Variants in COG7 observed in about 807,000 individuals in gnomAD.
The protein encoded by COG7 is conserved oligomeric Golgi complex subunit 7.
A neutral mutation model predicts 91.5 loss-of-function variants in COG7; 49 were observed. That is an observed-to-expected ratio of 0.54 (90% CI 0.43 to 0.68). COG7 has a LOEUF of 0.68. Among genes scored for constraint, COG7 ranks in the 30% least tolerant of loss-of-function variants. The probability of loss-of-function intolerance (pLI) is 0.00; values close to 1 mark genes in which losing one functional copy is unlikely to be tolerated. For missense variants in COG7, 895 were observed against 961.3 expected (o/e 0.93, Z 0.91); for synonymous variants, 365 against 388.7 (o/e 0.94, Z 0.72).
chr16:23,409,099 G>GTGCGCGCGCGTGCA (rs1963520656), intron 11 of COG7, among the ~76,000 whole-genome samples: 1 of 139,414 alleles, frequency 7.2e-6, no homozygotes, highest in African/African-American at 2.5e-5. Flanking sequence ...GCGTGCATGT[G>GTGCGCGCGCGTGCA]TGTGTGTGTG....
At chr16:23,422,975 GC>G (rs1418526008) in intron 7 of COG7, among the ~76,000 whole-genome samples, 8 of 150,552 alleles carry the variant, frequency 5.3e-5, no homozygotes, top group African/African-American at 2.0e-4. Context: ...AACCTGGGAG[GC>G]AGAGGTTGCA....
chr16:23,388,503 C>T lies in COG7; in HGVS notation c.*417G>A, dbSNP rs1161068912. The T allele has an allele frequency of 5.7e-6, 1 of 174,812 alleles. No homozygotes were observed. Among genetic ancestry groups the T allele is most frequent in the African/African-American group, 2.4e-5 (1 of 41,542 alleles). 10.8% of individuals were successfully genotyped at this position (174,812 alleles called of 1,614,324 possible). ...AAGGAAACAGTCTTCTTGCATTTCA[C>T]AGTAGTTATTTATTCCATTTTCAAG... is the stretch of plus-strand genomic sequence containing the variant. On this transcript the variant is annotated 3_prime_UTR_variant, in exon 17 of 17. Coordinates refer to ENST00000307149, the MANE Select transcript of COG7 (RefSeq NM_153603.4).
At chr16:23,438,208 A>G (rs1169620420) in intron 4 of COG7, among the ~76,000 whole-genome samples, 3 of 152,202 alleles carry the variant, frequency 2.0e-5, no homozygotes, top group Non-Finnish European at 1.5e-5. Flanking sequence ...AATAATATCC[A>G]GAATATATGA....
At chr16:23,401,871 C>G (rs913882446) in intron 13 of COG7, among the ~76,000 whole-genome samples, 1 of 152,000 alleles carries the variant, frequency 6.6e-6, no homozygotes, top group Non-Finnish European at 1.5e-5. Context: ...GCCTGGGCAA[C>G]CTGACGAAAC....
intron 7 of COG7, among the ~76,000 whole-genome samples, chr16:23,419,980 A>G (rs1193855929): frequency 6.6e-6 from 1 of 151,904 alleles, no homozygotes; most frequent in African/African-American, 2.4e-5. Context: ...TCTACTAAAA[A>G]TACAAAAAAA....
At chr16:23,425,485 A>G (rs1454737537) in intron 6 of COG7, among the ~76,000 whole-genome samples, 7 of 152,080 alleles carry the variant, frequency 4.6e-5, no homozygotes, top group Admixed American at 2.0e-4. Flanking sequence ...GAACACTACC[A>G]CACCTGATTA....
At chr16:23,420,140 A>C (rs896887921) in intron 7 of COG7, among the ~76,000 whole-genome samples, 6 of 152,198 alleles carry the variant, frequency 3.9e-5, no homozygotes, top group Non-Finnish European at 8.8e-5. Flanking sequence ...CAAAAACAAA[A>C]AACAAAAGGA....
chr16:23,433,478 C>G (rs747856429), intron 6 of COG7, 67 bp downstream of exon 6: 75 of 1,604,974 alleles, frequency 4.7e-5, no homozygotes, highest in Non-Finnish European at 5.8e-5. Flanking sequence ...TGGCCACTCC[C>G]GAGGCAGTCA....
chr16:23,449,695 C>G (rs1406028551), intron 1 of COG7, among the ~76,000 whole-genome samples: 1 of 149,318 alleles, frequency 6.7e-6, no homozygotes, highest in Non-Finnish European at 1.5e-5. Flanking sequence ...GAGCCGCGAT[C>G]ACGCCATTGC....
intron 6 of COG7, among the ~76,000 whole-genome samples, chr16:23,428,415 T>G (rs550366554): frequency 1.3e-5 from 2 of 150,158 alleles, no homozygotes; most frequent in South Asian, 4.2e-4. Flanking sequence ...AAATAACCTG[T>G]TTTTTTTTAA....
rs1017528347 is a variant in COG7 at position 23,453,086 on chromosome 16, C to G, written c.-92G>C. On this transcript the variant is annotated 5_prime_UTR_variant, in exon 1 of 17. Transcript: ENST00000307149. The stretch of plus-strand genomic sequence containing the variant: ...GAAGCGAGCGAGCCTGCGAGAGCAC[C>G]GAGGCTAGCCTCCGAGGCGAACCCC... 5 of 1,579,838 alleles carry G rather than the reference C, an allele frequency of 3.2e-6. No individual in the cohort carries two copies. The highest frequency in any genetic ancestry group is 4.3e-6 in the Non-Finnish European group (5 of 1,161,370).
intron 13 of COG7, among the ~76,000 whole-genome samples, chr16:23,400,740 C>A (rs547853655): frequency 6.6e-6 from 1 of 152,112 alleles, no homozygotes; most frequent in Non-Finnish European, 1.5e-5. Flanking sequence ...GAGGCTGAGG[C>A]GGGCGGATCA....
chr16:23,451,141 T>C (rs1320142297), intron 1 of COG7, among the ~76,000 whole-genome samples: 3 of 151,920 alleles, frequency 2.0e-5, no homozygotes, highest in Non-Finnish European at 4.4e-5. Context: ...TGCAGTGAGC[T>C]GAGATGGCGC....
intron 7 of COG7, 63 bp from the exon 8 acceptor site, chr16:23,418,890 G>A: frequency 1.3e-6 from 2 of 1,522,734 alleles, no homozygotes; most frequent in South Asian, 2.3e-5. Context: ...CTGTGGGAAA[G>A]CAACAATCAA....
rs368832315 is a variant in COG7, at chr16:23,403,741, C to T, written c.1756G>A (p.Val586Met). Residue 586 changes from valine to methionine, a missense_variant, in exon 13 of 17, where the codon GTG becomes ATG. Transcript: ENST00000307149. Reference sequence around the variant, plus strand: ...AGCTGTTGTTTGATGCGCAGGAACACGGAATCGAAAGCCAGCTGGTGGGCC... The same window carrying T: ...AGCTGTTGTTTGATGCGCAGGAACATGGAATCGAAAGCCAGCTGGTGGGCC... ...QQAHQLAFDS[V>M]FLRIKQQLLL... 28 of 1,614,074 alleles carry T rather than the reference C, an allele frequency of 1.7e-5. No homozygotes were observed. The highest frequency in any genetic ancestry group is 1.9e-5 in the Non-Finnish European group (23 of 1,180,038).
intron 13 of COG7, among the ~76,000 whole-genome samples, chr16:23,402,643 G>A (rs114869882): frequency 2.3e-4 from 35 of 152,258 alleles, no homozygotes; most frequent in African/African-American, 7.7e-4. Flanking sequence ...GATGGCACCC[G>A]CCTCATTTCT....
chr16:23,416,886 A>C, intron 9 of COG7, 81 bp downstream of exon 9: 2 of 1,539,556 alleles, frequency 1.3e-6, no homozygotes, highest in Non-Finnish European at 1.8e-6. Flanking sequence ...TTCAGAGAAC[A>C]AATACAGAAC....
chr16:23,423,924 C>A (rs757087900), intron 7 of COG7, among the ~76,000 whole-genome samples: 1 of 152,174 alleles, frequency 6.6e-6, no homozygotes, highest in African/African-American at 2.4e-5. Flanking sequence ...AGTCGGCCAC[C>A]GGGGAAAGCC....
chr16:23,438,782 C>T (rs988685614), intron 4 of COG7, among the ~76,000 whole-genome samples: 1 of 151,708 alleles, frequency 6.6e-6, no homozygotes, highest in Non-Finnish European at 1.5e-5. Flanking sequence ...AAATTGGAAC[C>T]CTTGTGCATT....
Sources: gnomAD v4.1 joint callset for allele counts (sites outside exome capture counted in the v4.1 genomes callset) on GRCh38, gnomAD v4.1.1 for gene constraint, MANE v1.5 for transcripts, NCBI Gene and HGNC (gene_info 2026-07-23, HGNC 2026-07-21) for gene names.